The following XG variants were observed in gnomAD, a reference collection of about 807,000 sequenced individuals.
XG encodes the protein Xg glycoprotein (Xg blood group).
XG carries 24 observed loss-of-function variants against 25.7 expected under a neutral mutation model. That is an observed-to-expected ratio of 0.93 (90% CI 0.68 to 1.31). The LOEUF is 1.31. XG is among the 40% of genes most tolerant of loss of function. The probability of loss-of-function intolerance (pLI) is 0.00; values close to 1 mark genes in which losing one functional copy is unlikely to be tolerated. For synonymous variants in XG, 77 were observed against 69.2 expected (o/e 1.11, Z -0.56); for missense variants, 181 against 187.6 (o/e 0.96, Z 0.21).
chrX:2,808,108 T>A (rs754644731), intron 8 of XG, 77 bp from the exon 9 acceptor site: 1 of 1,101,290 alleles, frequency 9.1e-7, no homozygotes, highest in Non-Finnish European at 1.2e-6. Context: ...CACAGTCGCA[T>A]CCTCAACAGT....
At chrX:2,785,459 A>ATT (rs11413215) in intron 4 of XG, among the ~76,000 whole-genome samples, 2 of 101,952 alleles carry the variant, frequency 2.0e-5, no homozygotes, top group Non-Finnish European at 3.9e-5. Flanking sequence ...AACTTAAAAA[A>ATT]ATTTTTTTGT....
intron 1 of XG, among the ~76,000 whole-genome samples, chrX:2,753,422 T>C (rs2050373062): frequency 6.6e-6 from 1 of 152,180 alleles, no homozygotes; most frequent in African/African-American, 2.4e-5. Flanking sequence ...CATATCCCCT[T>C]GGGCAAATCA....
intron 2 of XG, 117 bp from the exon 3 acceptor site, chrX:2,774,599 A>G (rs905746272): frequency 4.0e-5 from 46 of 1,138,960 alleles, no homozygotes; most frequent in Non-Finnish European, 3.6e-5. Context: ...TATATCATTT[A>G]CTTTGTATGG....
At chrX:2,799,440 G>A (rs1187496377) in intron 7 of XG, among the ~76,000 whole-genome samples, 1 of 111,686 alleles carries the variant, frequency 9.0e-6, no homozygotes, top group Non-Finnish European at 1.9e-5. Flanking sequence ...AAAGGGTGGG[G>A]GTAGGGAAAA....
At chrX:2,778,819 G>A (rs1201208696) in intron 3 of XG, among the ~76,000 whole-genome samples, 1 of 151,280 alleles carries the variant, frequency 6.6e-6, no homozygotes, top group African/African-American at 2.4e-5. Context: ...TGTCACCCAG[G>A]CTGCAGTGCA....
chrX:2,789,784 TTTA>T, intron 5 of XG, 78 bp downstream of exon 5: 1 of 363,444 alleles, frequency 2.8e-6, no homozygotes. Context: ...TCTATGTTAT[TTTA>T]CTTTATTTTA....
intron 2 of XG, among the ~76,000 whole-genome samples, chrX:2,773,317 AG>A (rs374324974): frequency 2.9e-4 from 43 of 148,412 alleles, no homozygotes; most frequent in African/African-American, 9.2e-4. Context: ...GGAAGAAAGG[AG>A]GGGGGAAGGA....
intron 4 of XG, among the ~76,000 whole-genome samples, chrX:2,787,918 A>AG (rs1167137156): frequency 9.3e-6 from 1 of 107,389 alleles, no homozygotes; most frequent in East Asian, 2.9e-4. Context: ...AAAAAAAAAA[A>AG]AAAAAAAAGA....
At chrX:2,769,554 C>A (rs2050769862) in intron 1 of XG, among the ~76,000 whole-genome samples, 1 of 152,184 alleles carries the variant, frequency 6.6e-6, no homozygotes, top group Non-Finnish European at 1.5e-5. Flanking sequence ...TGGCTGCATC[C>A]TCTACTTCCT....
At chrX:2,805,937 C>T (rs2086992773) in intron 7 of XG, among the ~76,000 whole-genome samples, 1 of 112,445 alleles carries the variant, frequency 8.9e-6, no homozygotes, top group Admixed American at 9.4e-5. Flanking sequence ...AGTCATTCCA[C>T]TTCAAAATCA....
chrX:2,810,094 G>A (rs372241776), intron 9 of XG, among the ~76,000 whole-genome samples: 9 of 111,660 alleles, frequency 8.1e-5, no homozygotes, highest in African/African-American at 2.3e-4. Flanking sequence ...AGCATCAGCC[G>A]TAGAGCAGGT....
chrX:2,802,878 A>G (rs1156865778), intron 7 of XG, among the ~76,000 whole-genome samples: 1 of 110,589 alleles, frequency 9.0e-6, no homozygotes, highest in Non-Finnish European at 1.9e-5. Flanking sequence ...CCCGGGGAAG[A>G]AGGGAGTTTG....
Position 2,801,917 on chromosome X carries a change from C to T in XG, c.373+4557C>T, listed in dbSNP as rs1446321691. Among the ~76,000 whole-genome samples, 26 of 110,028 alleles carry T rather than the reference C, an allele frequency of 2.4e-4. No homozygotes were observed. In the Admixed American group the frequency reaches 2.4e-3, roughly 10 times the overall value. The stretch of plus-strand genomic sequence containing the variant: ...AGAGACGGGGTTTCACCGTGTTAGC[C>T]AGGATGATCTCGATCTCCTGACCTC... On this transcript the variant is annotated intron_variant, in intron 7 of 10. Transcript: ENST00000644266.
chrX:2,778,186 G>A (rs944103931), intron 3 of XG, among the ~76,000 whole-genome samples: 1 of 152,062 alleles, frequency 6.6e-6, no homozygotes, highest in African/African-American at 2.4e-5. Flanking sequence ...AGATCTAAGT[G>A]TGAGATTTTA....
intron 2 of XG, 150 bp from the exon 3 acceptor site, chrX:2,774,566 C>A: frequency 1.2e-6 from 1 of 866,964 alleles, no homozygotes; most frequent in Non-Finnish European, 1.9e-6. Context: ...TCTTTTTTCT[C>A]AATTCAACAT....
Position 2,779,330 on chromosome X carries a change from T to TA in XG, c.128-2718dup, listed in dbSNP as rs34578775. Among the ~76,000 whole-genome samples, 311 of 105,848 alleles carry TA rather than the reference T, an allele frequency of 2.9e-3. 4 individuals carry two copies. The highest frequency in any genetic ancestry group is 0.016 in the East Asian group (57 of 3,516). The allele number at this position is 105,848 out of a possible 152,430, so 69.4% of individuals were successfully genotyped here. Reference sequence around the variant, plus strand: ...CAGCTGAGGCTACAGAGTGAGAGTATAAAAAAAAAAAAAAAAAAGCATAAC... The same window carrying TA: ...CAGCTGAGGCTACAGAGTGAGAGTATAAAAAAAAAAAAAAAAAAAGCATAAC... On this transcript the variant is annotated intron_variant, in intron 3 of 10. Transcript: ENST00000644266.
chrX:2,773,633 A>G (rs1252327058), intron 2 of XG, among the ~76,000 whole-genome samples: 95 of 11,426 alleles, frequency 8.3e-3, no homozygotes, highest in Non-Finnish European at 0.012. Context: ...GAAGGAGAGA[A>G]GGAAGGAAGG....
At chrX:2,773,313 AAGG>A (rs1418115038) in intron 2 of XG, among the ~76,000 whole-genome samples, 3 of 148,914 alleles carry the variant, frequency 2.0e-5, no homozygotes, top group African/African-American at 4.9e-5. Context: ...GAAGGGAAGA[AAGG>A]AGGGGGGAAG....
chrX:2,794,468 G>C (rs777601581), intron 5 of XG, 67 bp from the exon 6 acceptor site: 3 of 1,137,161 alleles, frequency 2.6e-6, no homozygotes, highest in Non-Finnish European at 3.6e-6. Context: ...TGCCCCCAGC[G>C]CAGACCTGGT....
Sources: gnomAD v4.1 joint callset for allele counts (sites outside exome capture counted in the v4.1 genomes callset) on GRCh38, gnomAD v4.1.1 for gene constraint, MANE v1.5 for transcripts, NCBI Gene and HGNC (gene_info 2026-07-23, HGNC 2026-07-21) for gene names.